DENND1B: variants seen among roughly 807,000 people sequenced by gnomAD.
The protein encoded by DENND1B is DENN domain-containing protein 1B.
A neutral mutation model predicts 90.1 loss-of-function variants in DENND1B; 59 were observed. The observed-to-expected ratio is 0.65, with a 90% CI of 0.53 to 0.81. The LOEUF is 0.81. Ranked by LOEUF, DENND1B falls within the 40% of genes least tolerant of loss-of-function variation. DENND1B has a pLI of 0.00. For synonymous variants in DENND1B, 337 were observed against 324.6 expected (o/e 1.04, Z -0.41); for missense variants, 862 against 912.6 (o/e 0.94, Z 0.71).
At chr1:197,765,459 G>A (rs1252628067) in intron 2 of DENND1B, among the ~76,000 whole-genome samples, 1 of 152,066 alleles carries the variant, frequency 6.6e-6, no homozygotes, top group Non-Finnish European at 1.5e-5. Flanking sequence ...AATGTATACT[G>A]TACACAGTAA....
Position 197,624,029 on chromosome 1 carries a change from C to T in DENND1B, c.673-6270G>A, listed in dbSNP as rs181932758. 2.4e-4 allele frequency among the ~76,000 whole-genome samples: 37 copies of T among 151,576 alleles called. No individual in the cohort carries two copies. In the East Asian group the frequency reaches 7.0e-3, roughly 29 times the overall value. On this transcript the variant is annotated intron_variant, in intron 10 of 22. Transcript: ENST00000620048. ...CAACTTGATCTATAGATTACAATCC[C>T]AATCAAAATCCCAGCAAGTTTTCTT... is the stretch of plus-strand genomic sequence containing the variant.
At chr1:197,631,180 A>T (rs776126135) in intron 10 of DENND1B, among the ~76,000 whole-genome samples, 4 of 152,116 alleles carry the variant, frequency 2.6e-5, no homozygotes, top group African/African-American at 7.2e-5. Flanking sequence ...TTTCTTCACA[A>T]ATATCTAAAC....
At chr1:197,740,715 A>C (rs897851712) in intron 2 of DENND1B, among the ~76,000 whole-genome samples, 3 of 152,174 alleles carry the variant, frequency 2.0e-5, no homozygotes, top group African/African-American at 7.2e-5. Flanking sequence ...AAGAAAGGAA[A>C]AATGATTTAT....
intron 3 of DENND1B, among the ~76,000 whole-genome samples, chr1:197,698,952 A>G (rs1009307048): frequency 1.1e-4 from 16 of 152,196 alleles, no homozygotes; most frequent in Non-Finnish European, 2.1e-4. Flanking sequence ...CCAGGACCAG[A>G]TGGATTCACA....
chr1:197,642,645 A>G (rs1318793580), intron 10 of DENND1B, 66 bp downstream of exon 10: 1 of 1,144,516 alleles, frequency 8.7e-7, no homozygotes, highest in Non-Finnish European at 1.3e-6. Flanking sequence ...TAAATCTGCA[A>G]AGGTTTTTAG....
chr1:197,601,142 A>G (rs1455436082), intron 13 of DENND1B, among the ~76,000 whole-genome samples: 1 of 151,794 alleles, frequency 6.6e-6, no homozygotes, highest in East Asian at 1.9e-4. Context: ...AACACACCAT[A>G]AACTCTATGA....
chr1:197,563,991 T>C (rs1672396002), intron 15 of DENND1B, among the ~76,000 whole-genome samples: 1 of 151,952 alleles, frequency 6.6e-6, no homozygotes, highest in African/African-American at 2.4e-5. Context: ...CCTGAATACG[T>C]GACTAAATTG....
chr1:197,719,780 A>G (rs538332712), intron 2 of DENND1B, among the ~76,000 whole-genome samples: 1 of 152,216 alleles, frequency 6.6e-6, no homozygotes, highest in Non-Finnish European at 1.5e-5. Flanking sequence ...ATCTAAAGCT[A>G]ATAAAAAGGA....
intron 18 of DENND1B, among the ~76,000 whole-genome samples, chr1:197,544,911 GAAAA>G (rs1670638830): frequency 1.6e-3 from 7 of 4,326 alleles, no homozygotes; most frequent in Admixed American, 0.011. Flanking sequence ...GAAAGAAGAA[GAAAA>G]GAAGAAGAAA....
At chr1:197,664,085 A>T (rs1654698738) in intron 5 of DENND1B, among the ~76,000 whole-genome samples, 1 of 151,978 alleles carries the variant, frequency 6.6e-6, no homozygotes, top group Non-Finnish European at 1.5e-5. Flanking sequence ...TAGAGTAAGA[A>T]ATGTTATTTT....
At chr1:197,623,956 C>T (rs1678407623) in intron 10 of DENND1B, among the ~76,000 whole-genome samples, 1 of 151,470 alleles carries the variant, frequency 6.6e-6, no homozygotes, top group Non-Finnish European at 1.5e-5. Flanking sequence ...AGAGATATTC[C>T]ATGTTCATGG....
intron 16 of DENND1B, among the ~76,000 whole-genome samples, chr1:197,549,296 C>G (rs928643456): frequency 6.6e-6 from 1 of 152,032 alleles, no homozygotes; most frequent in African/African-American, 2.4e-5. Flanking sequence ...CTAAATTGTT[C>G]AACAAGGCCA....
At chr1:197,593,714 C>T (rs1413580821) in intron 14 of DENND1B, among the ~76,000 whole-genome samples, 1 of 151,926 alleles carries the variant, frequency 6.6e-6, no homozygotes, top group South Asian at 2.1e-4. Context: ...CTTTGATTTG[C>T]TCCTTTCTTC....
At chr1:197,535,176 T>C (rs1669786249) in intron 20 of DENND1B, among the ~76,000 whole-genome samples, 1 of 152,194 alleles carries the variant, frequency 6.6e-6, no homozygotes, top group Non-Finnish European at 1.5e-5. Context: ...GAAGGCAACA[T>C]CAATCCATTA....
At chr1:197,654,742 G>A (rs1653626766) in intron 6 of DENND1B, among the ~76,000 whole-genome samples, 1 of 151,966 alleles carries the variant, frequency 6.6e-6, no homozygotes, top group Admixed American at 6.6e-5. Context: ...TTAATTCTAA[G>A]GTGACTATAC....
At chr1:197,641,895 T>C (rs1419874976) in intron 10 of DENND1B, among the ~76,000 whole-genome samples, 2 of 152,140 alleles carry the variant, frequency 1.3e-5, no homozygotes, top group African/African-American at 4.8e-5. Flanking sequence ...ATTAAAAATA[T>C]GGTTTTATTT....
chr1:197,681,425 T>C (rs1251577707), intron 3 of DENND1B, among the ~76,000 whole-genome samples: 1 of 152,154 alleles, frequency 6.6e-6, no homozygotes, highest in Admixed American at 6.6e-5. Flanking sequence ...TCAACAGATA[T>C]TTTCAATTTA....
intron 13 of DENND1B, among the ~76,000 whole-genome samples, chr1:197,599,136 C>G (rs182778683): frequency 2.0e-5 from 3 of 151,876 alleles, no homozygotes; most frequent in Admixed American, 2.0e-4. Flanking sequence ...TAAGTAAACA[C>G]AGCAAATAGG....
intron 20 of DENND1B, among the ~76,000 whole-genome samples, chr1:197,514,990 C>A (rs1668296841): frequency 6.6e-6 from 1 of 151,612 alleles, no homozygotes; most frequent in Non-Finnish European, 1.5e-5. Flanking sequence ...TTTGAATGAA[C>A]AACAGTAAAC....
Sources: gnomAD v4.1 joint callset for allele counts (sites outside exome capture counted in the v4.1 genomes callset) on GRCh38, gnomAD v4.1.1 for gene constraint, MANE v1.5 for transcripts, NCBI Gene and HGNC (gene_info 2026-07-23, HGNC 2026-07-21) for gene names.